The following DNAAF3 variants were observed in gnomAD, a reference collection of about 807,000 sequenced individuals.
DNAAF3 encodes the protein dynein axonemal assembly factor 3, also known as UPF0470 protein C19orf51.
A neutral mutation model predicts 50.9 loss-of-function variants in DNAAF3; 40 were observed. The observed-to-expected ratio is 0.79, with a 90% CI of 0.61 to 1.02. The LOEUF is 1.02. DNAAF3 is among the 50% of genes least tolerant of loss of function. The pLI is 0.00. For synonymous variants in DNAAF3, 327 were observed against 322.8 expected (o/e 1.01, Z -0.14); for missense variants, 763 against 744.7 (o/e 1.02, Z -0.29).
intron 4 of DNAAF3, among the ~76,000 whole-genome samples, chr19:55,164,617 C>G (rs879899848): frequency 6.6e-6 from 1 of 150,968 alleles, no homozygotes; most frequent in Non-Finnish European, 1.5e-5. Flanking sequence ...CTCTGCCTCC[C>G]GGGTTCAAGT....
At chr19:55,164,024 T>C (rs1238140787) in intron 4 of DNAAF3, among the ~76,000 whole-genome samples, 1 of 152,106 alleles carries the variant, frequency 6.6e-6, no homozygotes, top group African/African-American at 2.4e-5. Context: ...CAAAATCTGG[T>C]TATTTGCAAG....
Position 55,162,997 on chromosome 19 carries a change from C to CTTTTTTTTTTTT in DNAAF3, c.323-719_323-708dup, listed in dbSNP as rs576178532. The stretch of plus-strand genomic sequence containing the variant: ...TTTTATTTCTTTTTCTTTTCTTTTT[C>CTTTTTTTTTTTT]TTTTTTTTTTTTTTTTTTTTTTTTT... On this transcript the variant is annotated intron_variant, in intron 4 of 11. Transcript: ENST00000524407. Among the ~76,000 whole-genome samples the CTTTTTTTTTTTT allele has an allele frequency of 3.0e-3, 275 of 92,216 alleles. 8 individuals carry two copies. The highest frequency in any genetic ancestry group is 3.6e-3 in the Non-Finnish European group (169 of 46,872). 60.5% of individuals were successfully genotyped at this position (92,216 alleles called of 152,430 possible).
chr19:55,166,384 G>A lies in DNAAF3; in HGVS notation c.30C>T (p.Gly10=). The change falls in exon 2 of 12, where the codon GGC becomes GGT. Residue 10 remains glycine (G), a synonymous_variant. Transcript: ENST00000524407. The surrounding 1 kb of genome is among the most constrained non-coding windows in gnomAD (Gnocchi z 4.0). ...GGCCCCACCAGGACACGGAGCCGAA[G>A]CCGCTGCCGGAGCCGGCAGGTGTGG... MTTPAGSGS[G]FGSVSWWGLS... 1 of 1,613,880 alleles carries A rather than the reference G, an allele frequency of 6.2e-7. No individual in the cohort carries two copies. Among genetic ancestry groups the A allele is most frequent in the South Asian group, 1.1e-5 (1 of 91,086 alleles).
Position 55,160,449 on chromosome 19 carries a change from T to C in DNAAF3, c.1048+191A>G, listed in dbSNP as rs919465162. Among the ~76,000 whole-genome samples the C allele has an allele frequency of 6.6e-6, 1 of 152,234 alleles. No individual in the cohort carries two copies. Among genetic ancestry groups the C allele is most frequent in the Non-Finnish European group, 1.5e-5 (1 of 68,044 alleles). On this transcript the variant is annotated intron_variant, in intron 9 of 11. Transcript: ENST00000524407. The surrounding 1 kb of genome is among the most constrained non-coding windows in gnomAD (Gnocchi z 4.7). ...TAGCCCTCTGCAGATAAGATTAGAA[T>C]TCTGCTAGTGGAATTCAGAATTCTA...
chr19:55,162,176 C>T lies in DNAAF3; in HGVS notation c.437G>A (p.Arg146His), dbSNP rs2085848586. The change falls in exon 5 of 12, where the codon CGC becomes CAC. Residue 146 changes from arginine (R) to histidine (H), a missense_variant. Transcript: ENST00000524407. ...GAGCCAGGGCAGCTGTTCCTCCAGG[C>T]GGTCGGGCTCGGGGACCAGGTGCGC... ...LLAHLVPEPD[R>H]LEEQLPWLSL... 1.6e-6 allele frequency: 2 copies of T among 1,252,152 alleles called. No homozygotes were observed. Among genetic ancestry groups the T allele is most frequent in the Admixed American group, 4.1e-5 (1 of 24,274 alleles). The allele number at this position is 1,252,152 out of a possible 1,614,324, so 77.6% of individuals were successfully genotyped here.
chr19:55,166,629 G>A (rs768517701), upstream of DNAAF3: 1 of 1,613,754 alleles, frequency 6.2e-7, no homozygotes. This position sits in a 1 kb window ranked among gnomAD's most constrained non-coding sequence, Gnocchi z 4.0. Context: ...CCTTTTCGAG[G>A]AATCAAGCAA....
Position 55,159,957 on chromosome 19 carries a change from T to C in DNAAF3, c.1105A>G (p.Thr369Ala). 1 of 1,612,576 alleles carries C rather than the reference T, an allele frequency of 6.2e-7. No homozygotes were observed. Residue 369 changes from threonine (T) to alanine (A), a missense_variant, in exon 10 of 12, where the codon ACT (threonine) becomes GCT (alanine). Coordinates refer to ENST00000524407, the MANE Select transcript of DNAAF3 (RefSeq NM_001256715.2). ...TTGTAGCAGCTCTTGTGGTGGAGAG[T>C]CTGAGCAGAATTGAGCGGCAGGAAG... ...VHFLPLNSAQ[T>A]LHHKSCYNGR...
In DNAAF3 at chr19:55,165,322, G is replaced by A. The variant is rs1208574241; in HGVS notation, c.322+48C>T. 9.1e-6 allele frequency: 14 copies of A among 1,538,296 alleles called. No individual in the cohort carries two copies. The Admixed American group carries it at 2.3e-4, about 26-fold the overall frequency. On this transcript the variant is annotated intron_variant, in intron 4 of 11. Coordinates refer to ENST00000524407, the MANE Select transcript of DNAAF3 (RefSeq NM_001256715.2). ...ATTGAAATGCCAGAATCCCTCTAGG[G>A]AGGGGGAGGAGACCAGCGGTCAGAA... is the stretch of plus-strand genomic sequence containing the variant.
At position 55,161,753 on chromosome 19, in the gene DNAAF3, G is replaced by T; in HGVS notation, c.553C>A (p.Pro185Thr). 6.5e-7 allele frequency: 1 copy of T among 1,532,546 alleles called. No homozygotes were observed. The allele number at this position is 1,532,546 out of a possible 1,614,324, so 94.9% of individuals were successfully genotyped here. Residue 185 changes from proline (P) to threonine (T), a missense_variant, in exon 6 of 12, where the codon CCC becomes ACC. By Grantham distance (38) the Pro-to-Thr change is conservative. Coordinates refer to ENST00000524407, the MANE Select transcript of DNAAF3 (RefSeq NM_001256715.2). The surrounding 1 kb of genome is among the most constrained non-coding windows in gnomAD (Gnocchi z 6.4). ...AGGEKGPQAFPMSRLWDSRLR... is the reference protein window; with the variant it reads ...AGGEKGPQAFTMSRLWDSRLR... Reference sequence around the variant, plus strand: ...CGCGAGTCCCAGAGGCGGCTCATGGGGAACGCCTGGGGCCCTTTCTCGCCG... The same window carrying T: ...CGCGAGTCCCAGAGGCGGCTCATGGTGAACGCCTGGGGCCCTTTCTCGCCG...
Position 55,160,993 on chromosome 19 carries a change from T to TG in DNAAF3, c.912+71dup. ...CTGGAGCTGGGGGCGGGGCCTGCTG[T>TG]GGGGGCGGGGCCTTGCGCACCCACC... On this transcript the variant is annotated intron_variant, in intron 8 of 11. Transcript: ENST00000524407. The surrounding 1 kb of genome is among the most constrained non-coding windows in gnomAD (Gnocchi z 4.7). 6.8e-7 allele frequency: 1 copy of TG among 1,474,994 alleles called. No homozygotes were observed. The highest frequency in any genetic ancestry group is 9.0e-7 in the Non-Finnish European group (1 of 1,115,536). 91.4% of individuals were successfully genotyped at this position (1,474,994 alleles called of 1,614,324 possible). A position where few individuals can be genotyped will look rare whatever the true frequency, so the allele number is the denominator to read the frequency against.
At chr19:55,162,543 G>T in intron 4 of DNAAF3, 1 of 835,140 alleles carries the variant, frequency 1.2e-6, no homozygotes, top group Non-Finnish European at 1.5e-6. Flanking sequence ...CCGAGATCAT[G>T]CCATTGCACT....
intron 4 of DNAAF3, among the ~76,000 whole-genome samples, chr19:55,163,287 C>A (rs956262753): frequency 3.4e-5 from 5 of 146,906 alleles, no homozygotes; most frequent in African/African-American, 1.3e-4. Context: ...GGATTACAGG[C>A]GTGAGCCATC....
At position 55,161,647 on chromosome 19, in the gene DNAAF3, C is replaced by A. The variant is rs768515679; in HGVS notation, c.659G>T (p.Arg220Leu). ...CCCCTCTCCTGGGCCCCTCACCCCG[C>A]GGTCATGCAGCTTCATGCGCAGGTC... is the stretch of plus-strand genomic sequence containing the variant. ...DWDLRMKLHDRGAQVIHPQEF... is the reference protein window; with the variant it reads ...DWDLRMKLHDLGAQVIHPQEF... Residue 220 changes from arginine (R) to leucine (L), a missense_variant, in exon 6 of 12, where the codon CGC becomes CTC. By Grantham distance (102) the Arg-to-Leu change is moderately radical. Transcript: ENST00000524407. The surrounding 1 kb of genome is among the most constrained non-coding windows in gnomAD (Gnocchi z 6.4). The A allele has an allele frequency of 9.7e-5, 149 of 1,535,894 alleles. No individual in the cohort carries two copies. Among genetic ancestry groups the A allele is most frequent in the Non-Finnish European group, 1.0e-4 (120 of 1,145,336 alleles).
chr19:55,166,328 CT>C lies in DNAAF3; in HGVS notation c.85del (p.Ser29ValfsTer19). The C allele has an allele frequency of 6.2e-7, 1 of 1,613,326 alleles. No individual in the cohort carries two copies. The highest frequency in any genetic ancestry group is 1.1e-5 in the South Asian group (1 of 91,060). On this transcript the variant is annotated frameshift_variant and splice_region_variant, in exon 2 of 12. Transcript: ENST00000524407. LOFTEE classifies it high-confidence loss of function. This position sits in a 1 kb window ranked among gnomAD's most constrained non-coding sequence, Gnocchi z 4.0. ...LSPALDLQAE[S>X]PPVDPDSQAD... The stretch of plus-strand genomic sequence containing the variant: ...ATCAGACCTTGCGTGCTGGGACTCA[CT>C]TTCAGCCTGCAGGTCCAGCGCCGGG...
At chr19:55,163,794 C>CAGTTT (rs1297915598) in intron 4 of DNAAF3, among the ~76,000 whole-genome samples, 1 of 152,146 alleles carries the variant, frequency 6.6e-6, no homozygotes, top group Non-Finnish European at 1.5e-5. Context: ...TAAAATAGAT[C>CAGTTT]AGTTTAGTTC....
In DNAAF3 at chr19:55,160,821, G is replaced by C. The variant is rs945381102; in HGVS notation, c.913-46C>G. The C allele has an allele frequency of 2.5e-6, 4 of 1,587,024 alleles. No individual in the cohort carries two copies. The highest frequency in any genetic ancestry group is 3.4e-6 in the Non-Finnish European group (4 of 1,172,958). ...GCCAGACGTCGGGGCCAGGATGGCG[G>C]GGCGGGGCTTAGAACGCTGGGAGTC... On this transcript the variant is annotated intron_variant, in intron 8 of 11. Coordinates refer to ENST00000524407, the MANE Select transcript of DNAAF3 (RefSeq NM_001256715.2). This position sits in a 1 kb window ranked among gnomAD's most constrained non-coding sequence, Gnocchi z 4.7.
rs7247150 is a variant in DNAAF3, at chr19:55,165,225, G to A, written c.322+145C>T. On this transcript the variant is annotated intron_variant, in intron 4 of 11. Transcript: ENST00000524407. ...TTTCGCTCTTGTTGCCTAGGCTGGA[G>A]TGCAATGGCGCGATCTCGGCTCACT... The A allele has an allele frequency of 4.0e-3, 2,972 of 746,540 alleles. 64 individuals carry two copies. In the African/African-American group the frequency reaches 0.047, roughly 12 times the overall value. The allele number at this position is 746,540 out of a possible 1,614,324, so 46.2% of individuals were successfully genotyped here. A position where few individuals can be genotyped will look rare whatever the true frequency, so the allele number is the denominator to read the frequency against.
At chr19:55,163,596 T>C (rs1214526439) in intron 4 of DNAAF3, among the ~76,000 whole-genome samples, 1 of 152,176 alleles carries the variant, frequency 6.6e-6, no homozygotes. Flanking sequence ...CTGGCAATAC[T>C]ATACAATTTT....
In DNAAF3 at chr19:55,166,486, C is replaced by T; in HGVS notation, c.-5+37G>A. The stretch of plus-strand genomic sequence containing the variant: ...GCTCCCCTCTCACCGCCCCTCACTT[C>T]TCGCCCCTTTGCCTCCACATGATAC... On this transcript the variant is annotated intron_variant, in intron 1 of 11. Transcript: ENST00000524407. This position sits in a 1 kb window ranked among gnomAD's most constrained non-coding sequence, Gnocchi z 4.0. 6.2e-7 allele frequency: 1 copy of T among 1,613,712 alleles called. No individual in the cohort carries two copies. The highest frequency in any genetic ancestry group is 8.5e-7 in the Non-Finnish European group (1 of 1,179,720).
Sources: allele counts gnomAD v4.1 joint callset (sites outside exome capture counted in the v4.1 genomes callset), GRCh38; gene constraint gnomAD v4.1.1; non-coding constraint Gnocchi (gnomAD v3.1); transcripts MANE v1.5; gene names NCBI Gene and HGNC (gene_info 2026-07-23, HGNC 2026-07-21).